Variants in ASIC2 observed in about 807,000 individuals in gnomAD.
The protein encoded by ASIC2 is acid sensing ion channel subunit 2, also known as acid-sensing ion channel 2.
A neutral mutation model predicts 57.3 loss-of-function variants in ASIC2; 25 were observed. That is an observed-to-expected ratio of 0.44 (90% CI 0.32 to 0.61). The LOEUF (loss-of-function observed/expected upper bound fraction) is 0.61, where lower values mean the gene tolerates loss of function less well. Ranked by LOEUF, ASIC2 falls within the 20% of genes least tolerant of loss-of-function variation. The pLI is 0.06. For missense variants in ASIC2, 641 were observed against 738.1 expected, an observed-to-expected ratio of 0.87 and a Z score of 1.52; for synonymous variants, 319 against 307.5, an observed-to-expected ratio of 1.04 and a Z score of -0.39.
chr17:33,250,130 G>A (rs936595359), intron 1 of ASIC2, among the ~76,000 whole-genome samples: 15 of 152,196 alleles, frequency 9.9e-5, no homozygotes, highest in African/African-American at 3.4e-4. Context: ...TTTGTAAAAT[G>A]GGGCTATAAA....
At chr17:33,579,052 G>A (rs761527629) in intron 1 of ASIC2, among the ~76,000 whole-genome samples, 21 of 152,204 alleles carry the variant, frequency 1.4e-4, no homozygotes, top group Middle Eastern at 3.4e-3. Flanking sequence ...TTGGGAGGTC[G>A]AAGCGGGTGG....
chr17:33,461,425 C>T (rs1995523), intron 1 of ASIC2, among the ~76,000 whole-genome samples: 122,662 of 151,944 alleles, frequency 0.81, 49,902 homozygotes, highest in African/African-American at 0.91. Flanking sequence ...CCCTCCAGAT[C>T]TTCACACTCA....
At chr17:33,460,644 C>T (rs1433011226) in intron 1 of ASIC2, among the ~76,000 whole-genome samples, 3 of 152,206 alleles carry the variant, frequency 2.0e-5, no homozygotes, top group African/African-American at 7.2e-5. Context: ...TTCAAAATGA[C>T]AGATTCTGTA....
At chr17:34,099,212 G>GAAGGAAAGAAAGAAA (rs1567821074) in intron 1 of ASIC2, among the ~76,000 whole-genome samples, 2 of 97,218 alleles carry the variant, frequency 2.1e-5, no homozygotes. Flanking sequence ...AAGAAAGAAA[G>GAAGGAAAGAAAGAAA]GAAAGAAAAG....
Position 33,776,132 on chromosome 17 carries a change from C to CAAAAA in ASIC2, c.555+379841_555+379845dup, listed in dbSNP as rs35541526. Among the ~76,000 whole-genome samples, 221 of 127,474 alleles carry CAAAAA rather than the reference C, an allele frequency of 1.7e-3. 2 individuals carry two copies. Among genetic ancestry groups the CAAAAA allele is most frequent in the African/African-American group, 5.9e-3 (203 of 34,222 alleles). 83.6% of individuals were successfully genotyped at this position (127,474 alleles called of 152,430 possible). A position where few individuals can be genotyped will look rare whatever the true frequency, so the allele number is the denominator to read the frequency against. On this transcript the variant is annotated intron_variant, in intron 1 of 9. Transcript: ENST00000359872. ...TATGTGACACAGCAAGACTCTGTCT[C>CAAAAA]AAAAAAAAAAAAAAAAAAAAATAGA...
chr17:33,810,874 T>TACACACACACACATACAC (rs148786892), intron 1 of ASIC2, among the ~76,000 whole-genome samples: 4 of 149,896 alleles, frequency 2.7e-5, no homozygotes, highest in African/African-American at 9.8e-5. Context: ...CACACACACA[T>TACACACACACACATACAC]ACACACACAC....
intron 1 of ASIC2, among the ~76,000 whole-genome samples, chr17:33,916,538 G>GC (rs1252938699): frequency 6.6e-6 from 1 of 152,110 alleles, no homozygotes; most frequent in Non-Finnish European, 1.5e-5. Context: ...CCAGCTCACT[G>GC]GGATTTATGT....
At chr17:33,453,006 G>A (rs1912316925) in intron 1 of ASIC2, among the ~76,000 whole-genome samples, 1 of 152,174 alleles carries the variant, frequency 6.6e-6, no homozygotes, top group African/African-American at 2.4e-5. Flanking sequence ...CAGGCACTGA[G>A]ATTCCTTTCG....
intron 1 of ASIC2, among the ~76,000 whole-genome samples, chr17:34,146,105 C>A (rs1336715670): frequency 2.0e-5 from 3 of 152,098 alleles, no homozygotes; most frequent in African/African-American, 7.2e-5. Flanking sequence ...TTGGGAAGGG[C>A]TTTCTTTGGG....
intron 1 of ASIC2, among the ~76,000 whole-genome samples, chr17:34,127,349 G>C (rs1173450770): frequency 6.6e-6 from 1 of 152,034 alleles, no homozygotes; most frequent in African/African-American, 2.4e-5. Context: ...GCTTCATTCT[G>C]AACTCTATAA....
At chr17:33,431,280 G>A (rs957725807) in intron 1 of ASIC2, among the ~76,000 whole-genome samples, 1 of 152,134 alleles carries the variant, frequency 6.6e-6, no homozygotes, top group Admixed American at 6.5e-5. Context: ...GCAAGGTGTG[G>A]AATCAAAGTT....
chr17:33,826,255 G>T (rs573082338), intron 1 of ASIC2, among the ~76,000 whole-genome samples: 18 of 152,320 alleles, frequency 1.2e-4, no homozygotes, highest in African/African-American at 3.8e-4. Context: ...TGGTCCCATA[G>T]AGCTTACGTA....
At chr17:33,665,041 ATT>A (rs112117157) in intron 1 of ASIC2, among the ~76,000 whole-genome samples, 3 of 148,656 alleles carry the variant, frequency 2.0e-5, no homozygotes, top group African/African-American at 7.4e-5. Flanking sequence ...TAAAAATTTT[ATT>A]TTTTTTTTTA....
In ASIC2 at chr17:33,200,477, G is replaced by C. The variant is rs957370689; in HGVS notation, c.709-88410C>G. ...CAAGCCTGTCCAAAACTGAGATCCT[G>C]ATGATCCTTCCCAAACCGGCTCCTT... On this transcript the variant is annotated intron_variant, in intron 1 of 9. Transcript: ENST00000225823. 4.6e-5 allele frequency among the ~76,000 whole-genome samples: 7 copies of C among 152,282 alleles called. No individual in the cohort carries two copies. The South Asian group carries it at 1.2e-3, about 27-fold the overall frequency.
At chr17:33,939,152 C>G (rs1488583915) in intron 1 of ASIC2, among the ~76,000 whole-genome samples, 1 of 152,224 alleles carries the variant, frequency 6.6e-6, no homozygotes, top group East Asian at 1.9e-4. Flanking sequence ...CTGTTGTTCT[C>G]CATAGCTGTT....
chr17:33,110,450 C>T (rs1261675832), intron 2 of ASIC2, among the ~76,000 whole-genome samples: 1 of 152,214 alleles, frequency 6.6e-6, no homozygotes, highest in African/African-American at 2.4e-5. Flanking sequence ...ACAGGATCAA[C>T]AAAGTGTCTC....
intron 3 of ASIC2, among the ~76,000 whole-genome samples, chr17:33,080,379 T>A (rs1422848417): frequency 2.0e-5 from 3 of 151,958 alleles, no homozygotes; most frequent in Non-Finnish European, 4.4e-5. Context: ...CAAAGAAAAG[T>A]TTCAGTGGTG....
intron 3 of ASIC2, among the ~76,000 whole-genome samples, chr17:33,062,457 G>A (rs79718433): frequency 0.2 from 31,157 of 152,134 alleles, 3,468 homozygotes; most frequent in Middle Eastern, 0.31. Context: ...TCAGTTTCCA[G>A]GTAGTTGAGC....
chr17:33,885,642 C>T (rs1444041441), intron 1 of ASIC2, among the ~76,000 whole-genome samples: 1 of 152,170 alleles, frequency 6.6e-6, no homozygotes, highest in Admixed American at 6.5e-5. Flanking sequence ...GAATATGGGA[C>T]TTCTGACTCA....
Sources: gnomAD v4.1 joint callset for allele counts (sites outside exome capture counted in the v4.1 genomes callset) on GRCh38, gnomAD v4.1.1 for gene constraint, MANE v1.5 for transcripts, NCBI Gene and HGNC (gene_info 2026-07-23, HGNC 2026-07-21) for gene names.